The following CHN2 variants were observed in gnomAD, a reference collection of about 807,000 sequenced individuals.
The protein encoded by CHN2 is chimerin 2.
In CHN2, 35 loss-of-function variants were observed where a neutral mutation model predicts 56.3. The ratio of observed to expected loss-of-function variants is 0.62; its 90% CI spans 0.47 to 0.82. CHN2 has a LOEUF of 0.82. Among genes scored for constraint, CHN2 ranks in the 40% least tolerant of loss-of-function variants. The pLI is 0.00. For synonymous variants in CHN2, 210 were observed against 212.8 expected (o/e 0.99, Z 0.12); for missense variants, 491 against 580.5 (o/e 0.85, Z 1.58).
intron 6 of CHN2, among the ~76,000 whole-genome samples, chr7:29,470,261 A>C (rs1394179981): frequency 1.3e-5 from 2 of 152,236 alleles, no homozygotes; most frequent in Non-Finnish European, 2.9e-5. Flanking sequence ...TGGAAATCCC[A>C]GCCACCACTC....
chr7:29,276,222 A>G, intron 1 of CHN2, among the ~76,000 whole-genome samples: 1 of 152,096 alleles, frequency 6.6e-6, no homozygotes, highest in Non-Finnish European at 1.5e-5. Flanking sequence ...CTGGGAAAGA[A>G]ATCCACGTGG....
Position 29,228,145 on chromosome 7 carries a change from A to AAT in CHN2, c.49+33169_49+33170dup, listed in dbSNP as rs139728472. ...TTAAAAAAAAACCTGTACACACACT[A>AAT]ATATATATATATATACACACACACA... is the stretch of plus-strand genomic sequence containing the variant. On this transcript the variant is annotated intron_variant, in intron 1 of 12. Coordinates refer to ENST00000222792, the MANE Select transcript of CHN2 (RefSeq NM_004067.4). Among the ~76,000 whole-genome samples, 698 of 148,570 alleles carry AAT rather than the reference A, an allele frequency of 4.7e-3. 4 individuals are homozygous for AAT. Among genetic ancestry groups the AAT allele is most frequent in the South Asian group, 0.014 (66 of 4,646 alleles).
intron 2 of CHN2, among the ~76,000 whole-genome samples, chr7:29,160,587 C>A (rs1795042312): frequency 6.6e-6 from 1 of 152,148 alleles, no homozygotes; most frequent in African/African-American, 2.4e-5. Flanking sequence ...ATTTTTCTCC[C>A]TGTCAGAAGG....
intron 2 of CHN2, among the ~76,000 whole-genome samples, chr7:29,175,527 C>T (rs1316323415): frequency 1.3e-5 from 2 of 152,090 alleles, no homozygotes; most frequent in Non-Finnish European, 2.9e-5. Context: ...CTCTCATACT[C>T]TCTTGCCTGC....
intron 1 of CHN2, among the ~76,000 whole-genome samples, chr7:29,217,609 A>G (rs1785443022): frequency 6.6e-6 from 1 of 152,216 alleles, no homozygotes; most frequent in African/African-American, 2.4e-5. Context: ...TTATATGAAT[A>G]CAAATATTTA....
Position 29,428,820 on chromosome 7 carries a change from C to T in CHN2, c.576+27992C>T, listed in dbSNP as rs538615427. Among the ~76,000 whole-genome samples, 7 of 152,172 alleles carry T rather than the reference C, an allele frequency of 4.6e-5. No homozygotes were observed. In the South Asian group the frequency reaches 1.0e-3, roughly 23 times the overall value. Reference sequence around the variant, plus strand: ...CTGAAGTTTTCTTTGTAAGTATAAACTGATGCAACCCACAGAAGCAAAAGC... The same window carrying T: ...CTGAAGTTTTCTTTGTAAGTATAAATTGATGCAACCCACAGAAGCAAAAGC... On this transcript the variant is annotated intron_variant, in intron 6 of 12. Coordinates refer to ENST00000222792, the MANE Select transcript of CHN2 (RefSeq NM_004067.4).
chr7:29,293,857 A>ATTTTTTTTTTTTTT (rs70980522), intron 1 of CHN2, among the ~76,000 whole-genome samples: 2 of 78,496 alleles, frequency 2.5e-5, no homozygotes, highest in African/African-American at 1.0e-4. Context: ...GAGGCTGGGA[A>ATTTTTTTTTTTTTT]TTTTTTTTTT....
rs143012908 is a variant in CHN2, at chr7:29,441,070, T to G, written c.577-39209T>G. 1.6e-4 allele frequency among the ~76,000 whole-genome samples: 24 copies of G among 152,372 alleles called. No homozygotes were observed. The East Asian group carries it at 4.2e-3, about 27-fold the overall frequency. On this transcript the variant is annotated intron_variant, in intron 6 of 12. Coordinates refer to ENST00000222792, the MANE Select transcript of CHN2 (RefSeq NM_004067.4). Reference sequence around the variant, plus strand: ...TTCTATAATGAGAACATTTGAGATTTACTCTCTTAGCATGGGGAGGTGATA... The same window carrying G: ...TTCTATAATGAGAACATTTGAGATTGACTCTCTTAGCATGGGGAGGTGATA...
intron 7 of CHN2, 36 bp from the exon 8 acceptor site, chr7:29,495,916 G>A: frequency 6.3e-7 from 1 of 1,587,312 alleles, no homozygotes; most frequent in Non-Finnish European, 8.6e-7. Context: ...AAATGACTCT[G>A]AGCTTTCTGA....
intron 1 of CHN2, among the ~76,000 whole-genome samples, chr7:29,197,762 G>A (rs1350100727): frequency 6.6e-6 from 1 of 152,180 alleles, no homozygotes; most frequent in Non-Finnish European, 1.5e-5. Context: ...TCCTCCAGCA[G>A]CCGAGACAAA....
intron 1 of CHN2, among the ~76,000 whole-genome samples, chr7:29,251,436 A>G (rs1267583403): frequency 5.3e-5 from 8 of 152,238 alleles, no homozygotes; most frequent in Non-Finnish European, 1.0e-4. Flanking sequence ...CCTGGGCAAC[A>G]GAGCAAGATT....
chr7:29,235,538 A>G (rs567573986), intron 1 of CHN2, among the ~76,000 whole-genome samples: 1 of 152,356 alleles, frequency 6.6e-6, no homozygotes, highest in African/African-American at 2.4e-5. Context: ...ATTACTGGAT[A>G]TATACCCCCC....
At chr7:29,322,916 A>G (rs1272717768) in intron 1 of CHN2, among the ~76,000 whole-genome samples, 2 of 152,170 alleles carry the variant, frequency 1.3e-5, no homozygotes, top group Admixed American at 6.5e-5. Flanking sequence ...TAATCCCAGC[A>G]CTTCGGGAGG....
chr7:29,476,739 TA>T (rs1786632552), intron 6 of CHN2, among the ~76,000 whole-genome samples: 2 of 152,048 alleles, frequency 1.3e-5, no homozygotes, highest in African/African-American at 4.8e-5. Context: ...ATTACATACT[TA>T]GGGGGAGGGG....
intron 1 of CHN2, among the ~76,000 whole-genome samples, chr7:29,343,902 A>G (rs1431699345): frequency 6.6e-6 from 1 of 152,146 alleles, no homozygotes; most frequent in Non-Finnish European, 1.5e-5. Context: ...TCACTTGGCC[A>G]TTCCTCAGCC....
intron 1 of CHN2, among the ~76,000 whole-genome samples, chr7:29,205,009 C>T (rs1221684283): frequency 6.6e-6 from 1 of 152,132 alleles, no homozygotes; most frequent in African/African-American, 2.4e-5. Context: ...TATTTGGTTC[C>T]GCATTCTAAA....
chr7:29,301,971 A>G (rs1793708261), intron 1 of CHN2, among the ~76,000 whole-genome samples: 1 of 152,104 alleles, frequency 6.6e-6, no homozygotes, highest in East Asian at 1.9e-4. Context: ...CATCCTGTCT[A>G]CCTGTGGCAC....
chr7:29,459,677 C>T (rs950562937), intron 6 of CHN2, among the ~76,000 whole-genome samples: 1 of 152,156 alleles, frequency 6.6e-6, no homozygotes, highest in Non-Finnish European at 1.5e-5. Flanking sequence ...GCCTCTGTTA[C>T]GACAGCCACC....
chr7:29,297,381 TC>T (rs1230249322), intron 1 of CHN2, among the ~76,000 whole-genome samples: 2 of 152,000 alleles, frequency 1.3e-5, no homozygotes, highest in South Asian at 4.1e-4. Flanking sequence ...TGAAGACCCA[TC>T]TTAGCCTCCT....
Sources: allele counts gnomAD v4.1 joint callset (sites outside exome capture counted in the v4.1 genomes callset), GRCh38; gene constraint gnomAD v4.1.1; transcripts MANE v1.5; gene names NCBI Gene and HGNC (gene_info 2026-07-23, HGNC 2026-07-21).